Variants in CAMSAP3 observed in about 807,000 individuals in gnomAD.
CAMSAP3 encodes calmodulin-regulated spectrin-associated protein 3.
Under a neutral mutation model 112.5 loss-of-function variants are expected in CAMSAP3, and 34 were observed. That is an observed-to-expected ratio of 0.30 (90% CI 0.23 to 0.40). The LOEUF (loss-of-function observed/expected upper bound fraction) is 0.40, where lower values mean the gene tolerates loss of function less well. CAMSAP3 is among the 10% of genes least tolerant of loss of function. The pLI, the probability that CAMSAP3 is intolerant of heterozygous loss-of-function variation, is 1.00. For missense variants in CAMSAP3, 1,602 were observed against 1,770.3 expected (o/e 0.90, Z 1.71); for synonymous variants, 868 against 799.8 (o/e 1.09, Z -1.44).
At chr19:7,606,610 C>T (rs756671863) in intron 4 of CAMSAP3, 39 bp downstream of exon 4, 2 of 1,517,732 alleles carry the variant, frequency 1.3e-6, no homozygotes, top group Non-Finnish European at 1.8e-6. Context: ...GGATGGGGGA[C>T]CGGAGATCTG....
rs2030907481 is a variant in CAMSAP3 at position 7,618,026 on chromosome 19, C to T, written c.3719C>T (p.Thr1240Ile). 1.2e-6 allele frequency: 2 copies of T among 1,613,802 alleles called. No individual in the cohort carries two copies. Among genetic ancestry groups the T allele is most frequent in the Non-Finnish European group, 1.7e-6 (2 of 1,179,842 alleles). Reference protein sequence around the residue: ...GHLWQGKKPTTPKKGGGTPK With the variant: ...GHLWQGKKPTIPKKGGGTPK ...CTCTGGCAGGGCAAGAAACCCACCA[C>T]TCCCAAGAAGGGCGGCGGCACCCCC... Residue 1240 changes from threonine to isoleucine, a missense_variant, in exon 17 of 17, where the codon ACT becomes ATT. Thr to Ile is a moderately conservative substitution (Grantham distance 89). Around this residue, in one of 6 missense-constraint regions of CAMSAP3, gnomAD observed 150 missense variants for 207.6 expected, o/e 0.72. Transcript: ENST00000160298.
intron 1 of CAMSAP3, among the ~76,000 whole-genome samples, chr19:7,604,317 A>G (rs1378113287): frequency 1.3e-5 from 2 of 151,810 alleles, no homozygotes; most frequent in Non-Finnish European, 2.9e-5. Flanking sequence ...GCCTCTTCCC[A>G]TTGTCCTATT....
Position 7,595,993 on chromosome 19 carries a change from C to T in CAMSAP3, c.-10C>T, listed in dbSNP as rs767030907. 1.8e-6 allele frequency: 2 copies of T among 1,083,758 alleles called. No homozygotes were observed. The highest frequency in any genetic ancestry group is 5.4e-5 in the South Asian group (2 of 37,230). The allele number at this position is 1,083,758 out of a possible 1,614,324, so 67.1% of individuals were successfully genotyped here. ...AGCGCGGACCCGGCGCCCGCAGCCC[C>T]GGCGCCGCCATGGTGGAGGCGGCGC... is the stretch of plus-strand genomic sequence containing the variant. On this transcript the variant is annotated 5_prime_UTR_variant, in exon 1 of 17. Coordinates refer to ENST00000160298, the MANE Select transcript of CAMSAP3 (RefSeq NM_020902.2).
At chr19:7,608,007 G>A in intron 4 of CAMSAP3, 119 bp from the exon 5 acceptor site, 1 of 1,279,818 alleles carries the variant, frequency 7.8e-7, no homozygotes, top group African/African-American at 1.5e-5. Flanking sequence ...CTCTGTCTCT[G>A]GGACCCCCAG....
In CAMSAP3 at chr19:7,607,072, A is replaced by G. The variant is rs1037642563; in HGVS notation, c.621+501A>G. Among the ~76,000 whole-genome samples, 28 of 152,068 alleles carry G rather than the reference A, an allele frequency of 1.8e-4. No homozygotes were observed. The highest frequency in any genetic ancestry group is 3.5e-4 in the Non-Finnish European group (24 of 68,000). ...GGACGAACTTCCCCTCCCGTTATTC[A>G]GAAGGGCAAGCCCTCCCCGTTCCCA... On this transcript the variant is annotated intron_variant, in intron 4 of 16. Coordinates refer to ENST00000160298, the MANE Select transcript of CAMSAP3 (RefSeq NM_020902.2). This position sits in a 1 kb window ranked among gnomAD's most constrained non-coding sequence, Gnocchi z 4.9.
At chr19:7,597,142 G>T (rs978993616) in intron 1 of CAMSAP3, among the ~76,000 whole-genome samples, 2 of 152,132 alleles carry the variant, frequency 1.3e-5, no homozygotes, top group Non-Finnish European at 2.9e-5. Flanking sequence ...TCTGCCCACT[G>T]GTGTTGGCAC....
rs959367445 is a variant in CAMSAP3, at chr19:7,607,306, A to G, written c.621+735A>G. ...CTGAGACCCCCAGCTTCCCTAGAGA[A>G]AAATCCCAGCTTTGAAAAGGAGGAG... On this transcript the variant is annotated intron_variant, in intron 4 of 16. Transcript: ENST00000160298. This position sits in a 1 kb window ranked among gnomAD's most constrained non-coding sequence, Gnocchi z 4.9. Among the ~76,000 whole-genome samples the G allele has an allele frequency of 6.6e-6, 1 of 152,136 alleles. No homozygotes were observed.
intron 4 of CAMSAP3, 101 bp from the exon 5 acceptor site, chr19:7,608,025 C>T (rs1486099878): frequency 9.8e-6 from 14 of 1,433,790 alleles, no homozygotes; most frequent in Non-Finnish European, 1.3e-5. Context: ...CAGCTTCCCG[C>T]CCCCTCATGG....
At position 7,606,757 on chromosome 19, in the gene CAMSAP3, C is replaced by T. The variant is rs769669855; in HGVS notation, c.621+186C>T. On this transcript the variant is annotated intron_variant, in intron 4 of 16. Coordinates refer to ENST00000160298, the MANE Select transcript of CAMSAP3 (RefSeq NM_020902.2). ...CTGTGCCGGTACCCGCTGCCCTCCT[C>T]TCTGCCTCTCTGGCCTCAGTGCCCT... 4.5e-5 allele frequency: 73 copies of T among 1,613,868 alleles called. 1 individual carries two copies. In the South Asian group the frequency reaches 7.8e-4, roughly 17 times the overall value.
chr19:7,604,645 C>T (rs1424674622), intron 1 of CAMSAP3, among the ~76,000 whole-genome samples: 1 of 151,942 alleles, frequency 6.6e-6, no homozygotes, highest in Non-Finnish European at 1.5e-5. Context: ...CACTCATCCC[C>T]CCCTGCCTGC....
rs753464368 is a variant in CAMSAP3, at chr19:7,617,395, T to TGGCA, written c.3284_3287dup (p.Ser1096ArgfsTer57). Reference sequence around the variant, plus strand: ...GAAGCCGCGAACGGGACTGGGAAAATGGCAGCAATGCCTCCTCCCCAGCGT... The same window carrying TGGCA: ...GAAGCCGCGAACGGGACTGGGAAAATGGCAGGCAGCAATGCCTCCTCCCCAGCGT... On this transcript the variant is annotated frameshift_variant, in exon 15 of 17. Coordinates refer to ENST00000160298, the MANE Select transcript of CAMSAP3 (RefSeq NM_020902.2). LOFTEE classifies it high-confidence loss of function. This position sits in a 1 kb window ranked among gnomAD's most constrained non-coding sequence, Gnocchi z 7.5. The TGGCA allele has an allele frequency of 6.2e-7, 1 of 1,613,980 alleles. No individual in the cohort carries two copies. The highest frequency in any genetic ancestry group is 8.5e-7 in the Non-Finnish European group (1 of 1,179,962).
At position 7,595,895 on chromosome 19, in the gene CAMSAP3, G is replaced by GGCGGCAGCGGCGGTA. The variant is rs1555756383; in HGVS notation, c.-105_-91dup. ...GCTCAGCAGCGGCGGCGGCGGCGGC[G>GGCGGCAGCGGCGGTA]GCGGCAGCGGCGGTAGCAGCAGCGG... On this transcript the variant is annotated 5_prime_UTR_variant, in exon 1 of 17. Transcript: ENST00000160298. The GGCGGCAGCGGCGGTA allele has an allele frequency of 1.6e-4, 75 of 460,808 alleles. No homozygotes were observed. In the Admixed American group the frequency reaches 3.4e-3, roughly 21 times the overall value. The allele number at this position is 460,808 out of a possible 1,614,324, so 28.5% of individuals were successfully genotyped here.
Position 7,606,533 on chromosome 19 carries a change from G to A in CAMSAP3, c.583G>A (p.Ala195Thr), listed in dbSNP as rs1452350619. The change falls in exon 4 of 17, where the codon GCA (alanine) becomes ACA (threonine). Residue 195 changes from alanine (A) to threonine (T), a missense_variant. Coordinates refer to ENST00000160298, the MANE Select transcript of CAMSAP3 (RefSeq NM_020902.2). ...EQEAAQRASP[A>T]APADGAAPAQ... is the part of the protein sequence containing the mutation. ...GGAAGCGGCCCAGCGAGCCTCTCCA[G>A]CAGCCCCTGCAGACGGGGCGGCCCC... 1.3e-6 allele frequency: 2 copies of A among 1,554,718 alleles called. No homozygotes were observed. The highest frequency in any genetic ancestry group is 1.9e-5 in the Admixed American group (1 of 52,886).
rs2030303468 is a variant in CAMSAP3 at position 7,607,999 on chromosome 19, C to T, written c.622-127C>T. On this transcript the variant is annotated intron_variant, in intron 4 of 16. Coordinates refer to ENST00000160298, the MANE Select transcript of CAMSAP3 (RefSeq NM_020902.2). The surrounding 1 kb of genome is among the most constrained non-coding windows in gnomAD (Gnocchi z 4.9). ...CCTGCTCCAGGCTGGCCCCCCAACT[C>T]TGTCTCTGGGACCCCCAGCTTCCCG... The T allele has an allele frequency of 1.7e-6, 2 of 1,204,186 alleles. No homozygotes were observed. The highest frequency in any genetic ancestry group is 4.8e-5 in the East Asian group (2 of 41,318). The allele number at this position is 1,204,186 out of a possible 1,614,324, so 74.6% of individuals were successfully genotyped here. A position where few individuals can be genotyped will look rare whatever the true frequency, so the allele number is the denominator to read the frequency against.
intron 1 of CAMSAP3, among the ~76,000 whole-genome samples, chr19:7,604,551 CCCTT>C (rs2030108669): frequency 6.6e-6 from 1 of 152,164 alleles, no homozygotes; most frequent in Admixed American, 6.5e-5. Flanking sequence ...CTTGCCTCCT[CCCTT>C]CAATCACCAG....
chr19:7,615,028 G>T lies in CAMSAP3; in HGVS notation c.2671-155G>T. The T allele has an allele frequency of 1.2e-6, 1 of 822,270 alleles. No homozygotes were observed. 50.9% of individuals were successfully genotyped at this position (822,270 alleles called of 1,614,324 possible). A position where few individuals can be genotyped will look rare whatever the true frequency, so the allele number is the denominator to read the frequency against. ...CTGTTGTGTCCCAGTACTTAGTGTG[G>T]GGCTGTGCATACAGTAGGCACCAAC... On this transcript the variant is annotated intron_variant, in intron 11 of 16. Transcript: ENST00000160298. The surrounding 1 kb of genome is among the most constrained non-coding windows in gnomAD (Gnocchi z 6.5).
chr19:7,616,277 G>A (rs976062349), intron 13 of CAMSAP3: 1 of 461,690 alleles, frequency 2.2e-6, no homozygotes. Flanking sequence ...TTCATGGATA[G>A]GAACCTTTGG....
chr19:7,617,182 G>A lies in CAMSAP3; in HGVS notation c.3213-144G>A, dbSNP rs189618201. On this transcript the variant is annotated intron_variant, in intron 14 of 16. Transcript: ENST00000160298. This position sits in a 1 kb window ranked among gnomAD's most constrained non-coding sequence, Gnocchi z 7.5. ...TCTGCCCGCTTTGGCCTCCCGAAGT[G>A]CTGGGATTACAGGCATGAGCCACGA... 64 of 670,924 alleles carry A rather than the reference G, an allele frequency of 9.5e-5. No homozygotes were observed. The highest frequency in any genetic ancestry group is 3.0e-4 in the Admixed American group (13 of 42,710). The allele number at this position is 670,924 out of a possible 1,614,324, so 41.6% of individuals were successfully genotyped here.
chr19:7,616,478 G>A (rs1599364984), intron 13 of CAMSAP3, 45 bp from the exon 14 acceptor site: 1 of 1,353,520 alleles, frequency 7.4e-7, no homozygotes, highest in Non-Finnish European at 1.1e-6. Context: ...TGTTGTGGAG[G>A]GCAGGGGCTT....
Sources: gnomAD v4.1 joint callset for allele counts (sites outside exome capture counted in the v4.1 genomes callset) on GRCh38, gnomAD v4.1.1 for gene constraint, gnomAD v4.1.1 regional missense constraint, Gnocchi (gnomAD v3.1) non-coding constraint, MANE v1.5 for transcripts, NCBI Gene and HGNC (gene_info 2026-07-23, HGNC 2026-07-21) for gene names.